SKAP1: variants seen among roughly 807,000 people sequenced by gnomAD.
SKAP1 encodes the protein src kinase-associated phosphoprotein 1.
Under a neutral mutation model 58.5 loss-of-function variants are expected in SKAP1, and 44 were observed. That is an observed-to-expected ratio of 0.75 (90% CI 0.59 to 0.97). SKAP1 has a LOEUF of 0.97. Among genes scored for constraint, SKAP1 ranks in the 50% least tolerant of loss-of-function variants. SKAP1 has a pLI of 0.00. For missense variants in SKAP1, 390 were observed against 435.2 expected, an observed-to-expected ratio of 0.90 and a Z score of 0.92; for synonymous variants, 127 against 149.7, an observed-to-expected ratio of 0.85 and a Z score of 1.11.
chr17:48,349,106 A>G (rs9909002), intron 3 of SKAP1, among the ~76,000 whole-genome samples: 50,812 of 152,190 alleles, frequency 0.33, 9,184 homozygotes, highest in African/African-American at 0.47. Flanking sequence ...ATACACTCCC[A>G]TGTAATTGAA....
At chr17:48,377,800 C>G (rs1366338847) in intron 2 of SKAP1, among the ~76,000 whole-genome samples, 3 of 152,184 alleles carry the variant, frequency 2.0e-5, no homozygotes, top group African/African-American at 7.2e-5. Context: ...TCAGGCTGAC[C>G]AGAGAAGAAA....
chr17:48,136,177 T>A (rs1567786659), intron 12 of SKAP1, among the ~76,000 whole-genome samples: 1 of 145,084 alleles, frequency 6.9e-6, no homozygotes, highest in Admixed American at 6.9e-5. Flanking sequence ...TTTCTCTCTC[T>A]TTTTTTTTTT....
chr17:48,170,377 T>C (rs1265770774), intron 10 of SKAP1, among the ~76,000 whole-genome samples: 1 of 152,242 alleles, frequency 6.6e-6, no homozygotes, highest in Non-Finnish European at 1.5e-5. Context: ...CCACCCGCTC[T>C]AGGATAAATC....
chr17:48,145,482 G>GT (rs1231870046), intron 11 of SKAP1, among the ~76,000 whole-genome samples: 3 of 151,782 alleles, frequency 2.0e-5, no homozygotes, highest in African/African-American at 4.8e-5. Flanking sequence ...ACAAAAAGCA[G>GT]TATGGCCACC....
chr17:48,378,649 G>A lies in SKAP1; in HGVS notation c.153-14835C>T, dbSNP rs897106702. Among the ~76,000 whole-genome samples the A allele has an allele frequency of 3.3e-5, 5 of 152,084 alleles. No homozygotes were observed. The East Asian group carries it at 7.7e-4, about 24-fold the overall frequency. On this transcript the variant is annotated intron_variant, in intron 2 of 12. Transcript: ENST00000336915. ...TTTCATGCCTCCTTCTTCTCCTAGCGGACCCTCCATGATCCTTTGAGGCTC... is the reference window on the plus strand; with the variant it reads ...TTTCATGCCTCCTTCTTCTCCTAGCAGACCCTCCATGATCCTTTGAGGCTC...
intron 4 of SKAP1, among the ~76,000 whole-genome samples, chr17:48,318,580 C>T (rs2066319607): frequency 6.6e-6 from 1 of 152,224 alleles, no homozygotes; most frequent in African/African-American, 2.4e-5. Flanking sequence ...TCTTTGCTTT[C>T]TGTGACTGGG....
intron 2 of SKAP1, among the ~76,000 whole-genome samples, chr17:48,375,221 A>G (rs1401767025): frequency 1.3e-5 from 2 of 152,204 alleles, no homozygotes; most frequent in African/African-American, 4.8e-5. Flanking sequence ...TAGGTAGATA[A>G]TACAATGTTC....
At position 48,223,435 on chromosome 17, in the gene SKAP1, T is replaced by C. The variant is rs571056597; in HGVS notation, c.281-33935A>G. On this transcript the variant is annotated intron_variant, in intron 4 of 12. Transcript: ENST00000336915. Reference sequence around the variant, plus strand: ...TGAATTATGTGTCCACTCCCTTATATTCTGGATACTTTCCTAGTTGCTCCT... The same window carrying C: ...TGAATTATGTGTCCACTCCCTTATACTCTGGATACTTTCCTAGTTGCTCCT... Among the ~76,000 whole-genome samples the C allele has an allele frequency of 3.3e-5, 5 of 152,330 alleles. No homozygotes were observed. In the East Asian group the frequency reaches 9.6e-4, roughly 29 times the overall value.
intron 3 of SKAP1, among the ~76,000 whole-genome samples, chr17:48,359,949 T>G (rs2066916098): frequency 6.6e-6 from 1 of 152,240 alleles, no homozygotes; most frequent in Non-Finnish European, 1.5e-5. Flanking sequence ...GACGTGAATA[T>G]AGGCTTGCCA....
chr17:48,179,541 G>T (rs2064339306), intron 9 of SKAP1, among the ~76,000 whole-genome samples: 1 of 152,172 alleles, frequency 6.6e-6, no homozygotes, highest in Non-Finnish European at 1.5e-5. Context: ...TTGATTCATG[G>T]TATATCTGAA....
intron 4 of SKAP1, among the ~76,000 whole-genome samples, chr17:48,270,272 T>A (rs1290261436): frequency 2.0e-5 from 3 of 152,220 alleles, no homozygotes; most frequent in African/African-American, 7.2e-5. Flanking sequence ...TACATGCATG[T>A]GCTCACACAT....
intron 2 of SKAP1, among the ~76,000 whole-genome samples, chr17:48,392,194 C>T (rs981812169): frequency 6.6e-6 from 1 of 152,036 alleles, no homozygotes; most frequent in Non-Finnish European, 1.5e-5. Context: ...ACATGAAATT[C>T]CCAAAGAAAG....
At chr17:48,204,973 T>TTTCTTTCTTTC (rs1555602828) in intron 4 of SKAP1, among the ~76,000 whole-genome samples, 4 of 77,296 alleles carry the variant, frequency 5.2e-5, no homozygotes, top group African/African-American at 2.5e-4. Context: ...TTTTCTTTTC[T>TTTCTTTCTTTC]TTTCTTTCTT....
At chr17:48,174,391 C>A (rs2064260200) in intron 9 of SKAP1, among the ~76,000 whole-genome samples, 1 of 152,152 alleles carries the variant, frequency 6.6e-6, no homozygotes, top group Admixed American at 6.6e-5. Flanking sequence ...AGGAAAACAC[C>A]ATTCACAGCT....
chr17:48,319,804 T>C (rs2066337684), intron 4 of SKAP1, among the ~76,000 whole-genome samples: 1 of 152,180 alleles, frequency 6.6e-6, no homozygotes, highest in Non-Finnish European at 1.5e-5. Context: ...ATCACACCAC[T>C]GCATTCCAGC....
chr17:48,423,019 A>G (rs928402188), intron 1 of SKAP1, among the ~76,000 whole-genome samples: 2 of 152,214 alleles, frequency 1.3e-5, no homozygotes, highest in East Asian at 3.8e-4. Context: ...CAGAAGCATA[A>G]TAGAAGAAAA....
intron 4 of SKAP1, among the ~76,000 whole-genome samples, chr17:48,298,167 G>T (rs989442888): frequency 6.6e-6 from 1 of 152,248 alleles, no homozygotes; most frequent in South Asian, 2.1e-4. Context: ...ATATTTATTG[G>T]AAATGACAGT....
intron 4 of SKAP1, among the ~76,000 whole-genome samples, chr17:48,286,028 G>A (rs1047370070): frequency 6.6e-6 from 1 of 152,200 alleles, no homozygotes; most frequent in Non-Finnish European, 1.5e-5. Context: ...CACATAAAGG[G>A]CTCTCAATAA....
intron 11 of SKAP1, among the ~76,000 whole-genome samples, chr17:48,155,302 A>G (rs1461319340): frequency 1.0e-4 from 15 of 150,530 alleles, no homozygotes; most frequent in African/African-American, 3.7e-4. Flanking sequence ...TAATTTTTGT[A>G]TTTTTAGTAG....
Sources: gnomAD v4.1 joint callset for allele counts (sites outside exome capture counted in the v4.1 genomes callset) on GRCh38, gnomAD v4.1.1 for gene constraint, MANE v1.5 for transcripts, NCBI Gene and HGNC (gene_info 2026-07-23, HGNC 2026-07-21) for gene names.